The following PCDHA1 variants were observed in gnomAD, a reference collection of about 807,000 sequenced individuals.
PCDHA1 encodes protocadherin alpha-1.
In PCDHA1, 42 loss-of-function variants were observed where a neutral mutation model predicts 61.3. The observed-to-expected ratio is 0.69, with a 90% CI of 0.54 to 0.89. The LOEUF (loss-of-function observed/expected upper bound fraction) is 0.89. Among genes scored for constraint, PCDHA1 ranks in the 40% least tolerant of loss-of-function variants. The pLI is 0.00. For missense variants in PCDHA1, 1,256 were observed against 1,235.3 expected, an observed-to-expected ratio of 1.02 and a Z score of -0.25; for synonymous variants, 610 against 553.8, an observed-to-expected ratio of 1.10 and a Z score of -1.43.
intron 3 of PCDHA1, among the ~76,000 whole-genome samples, chr5:140,991,325 G>C (rs899183687): frequency 3.3e-5 from 5 of 152,184 alleles, no homozygotes; most frequent in Non-Finnish European, 5.9e-5. Flanking sequence ...GATACATGAA[G>C]GGAATAGCTT....
chr5:140,875,159 C>T (rs60784460), intron 1 of PCDHA1: 4,491 of 336,216 alleles, frequency 0.013, 178 homozygotes, highest in African/African-American at 0.087. Flanking sequence ...TGAAAAATAA[C>T]CCAAAGTCGA....
chr5:140,838,075 ATAGTGTGTGTGTGTGTGTGTGTGT>A (rs2150283450), intron 1 of PCDHA1, among the ~76,000 whole-genome samples: 41 of 128,134 alleles, frequency 3.2e-4, no homozygotes, highest in South Asian at 2.7e-4. Context: ...TTATATATAT[ATAGTGTGTGTGTGTGTGTGTGTGT>A]GTGTGTGTGT....
chr5:140,954,297 C>G (rs1369831854), intron 1 of PCDHA1, among the ~76,000 whole-genome samples: 1 of 152,298 alleles, frequency 6.6e-6, no homozygotes, highest in African/African-American at 2.4e-5. Context: ...TGGGTACATA[C>G]CCAGTAATGG....
intron 1 of PCDHA1, among the ~76,000 whole-genome samples, chr5:140,790,018 G>C (rs10477033): frequency 0.47 from 72,132 of 152,008 alleles, 17,707 homozygotes; most frequent in Middle Eastern, 0.61. Flanking sequence ...CAAAAATCAA[G>C]CCTAGGCTGA....
chr5:140,870,902 C>G (rs2052520790), intron 1 of PCDHA1: 1 of 1,613,846 alleles, frequency 6.2e-7, no homozygotes. Flanking sequence ...GATGCGGACT[C>G]AGGCTACAAC....
At chr5:140,884,541 T>C (rs782267123) in intron 1 of PCDHA1, 17 of 1,613,862 alleles carry the variant, frequency 1.1e-5, no homozygotes, top group Non-Finnish European at 1.4e-5. Flanking sequence ...CGGCCGAGGG[T>C]GTGCTCTGGG....
At position 140,843,090 on chromosome 5, in the gene PCDHA1, T is replaced by A; in HGVS notation, c.2394+54406T>A. The A allele has an allele frequency of 2.5e-6, 4 of 1,595,448 alleles. 1 individual carries two copies. The highest frequency in any genetic ancestry group is 3.4e-6 in the Non-Finnish European group (4 of 1,165,354). ...CCGCGGTCTGTGGGCGCGGGCCACGTGGTAGCGAAGGTGCGCGCAGTGGAC... is the reference window on the plus strand; with the variant it reads ...CCGCGGTCTGTGGGCGCGGGCCACGAGGTAGCGAAGGTGCGCGCAGTGGAC... On this transcript the variant is annotated intron_variant, in intron 1 of 3. Transcript: ENST00000504120.
chr5:141,008,036 C>G (rs1372261299), intron 3 of PCDHA1, among the ~76,000 whole-genome samples: 1 of 151,938 alleles, frequency 6.6e-6, no homozygotes, highest in Non-Finnish European at 1.5e-5. Context: ...GTTAATCTGC[C>G]TTTTGTAACA....
chr5:140,817,403 G>A (rs543583260), intron 1 of PCDHA1: 1 of 152,224 alleles, frequency 6.6e-6, no homozygotes, highest in Admixed American at 6.5e-5. Context: ...TCCTTGTATT[G>A]TTGTTGAGTT....
chr5:140,970,141 G>T, intron 1 of PCDHA1, among the ~76,000 whole-genome samples: 1 of 152,166 alleles, frequency 6.6e-6, no homozygotes, highest in East Asian at 1.9e-4. Context: ...AAGGGAAAAA[G>T]AATTCTCCCA....
intron 1 of PCDHA1, chr5:140,864,749 C>T (rs544244056): frequency 6.6e-6 from 1 of 152,178 alleles, no homozygotes; most frequent in East Asian, 1.9e-4. Context: ...ACCGATTATA[C>T]TCATTTTTCT....
intron 1 of PCDHA1, among the ~76,000 whole-genome samples, chr5:140,792,931 C>A (rs1482378138): frequency 2.0e-5 from 3 of 152,166 alleles, no homozygotes; most frequent in East Asian, 3.9e-4. Flanking sequence ...ACATAAAAAC[C>A]AACCTCCCAC....
At chr5:140,818,706 T>G (rs2150102140) in intron 1 of PCDHA1, among the ~76,000 whole-genome samples, 14 of 152,140 alleles carry the variant, frequency 9.2e-5, no homozygotes, top group African/African-American at 2.7e-4. Flanking sequence ...GATGTGGTGG[T>G]GCACACCTGT....
At chr5:140,797,083 G>A (rs1554120290) in intron 1 of PCDHA1, 1 of 1,613,952 alleles carries the variant, frequency 6.2e-7, no homozygotes, top group East Asian at 2.2e-5. Flanking sequence ...CATCTGCGCG[G>A]TATCCAGCCT....
intron 1 of PCDHA1, among the ~76,000 whole-genome samples, chr5:140,838,280 A>ATTTTTTTT (rs34299325): frequency 2.9e-5 from 4 of 139,572 alleles, no homozygotes; most frequent in African/African-American, 8.2e-5. Flanking sequence ...AGCCATGCTA[A>ATTTTTTTT]TTTTTTTTTT....
At chr5:140,996,098 A>G (rs1173929406) in intron 3 of PCDHA1, among the ~76,000 whole-genome samples, 1 of 152,214 alleles carries the variant, frequency 6.6e-6, no homozygotes, top group Non-Finnish European at 1.5e-5. Context: ...ATTACATGGA[A>G]TGGTATGGAA....
At position 140,786,829 on chromosome 5, in the gene PCDHA1, T is replaced by C. The variant is rs368731125; in HGVS notation, c.539T>C (p.Leu180Ser). 8 of 1,614,088 alleles carry C rather than the reference T, an allele frequency of 5.0e-6. No homozygotes were observed. The African/African-American group carries it at 9.3e-5, about 19-fold the overall frequency. ...CTCAGCCCGAGTGATTATTTCTCTTTGGATGTAGAGGCAAGTGATGAACTG... is the reference window on the plus strand; with the variant it reads ...CTCAGCCCGAGTGATTATTTCTCTTCGGATGTAGAGGCAAGTGATGAACTG... ...YTLSPSDYFS[L>S]DVEASDELSK... The change falls in exon 1 of 4, where the codon TTG (leucine) becomes TCG (serine). Residue 180 changes from leucine (L) to serine (S), a missense_variant. Physicochemically the swap from Leu to Ser is moderately radical, Grantham distance 145. Coordinates refer to ENST00000504120, the MANE Select transcript of PCDHA1 (RefSeq NM_018900.4).
chr5:140,984,042 T>C (rs2097082521), intron 3 of PCDHA1, among the ~76,000 whole-genome samples: 1 of 152,148 alleles, frequency 6.6e-6, no homozygotes, highest in Non-Finnish European at 1.5e-5. Flanking sequence ...ATAAAATAGT[T>C]CATTGACAAA....
chr5:140,854,743 GAT>G lies in PCDHA1; in HGVS notation c.2394+66064_2394+66065del, dbSNP rs1554147428. The G allele has an allele frequency of 2.0e-5, 3 of 149,440 alleles. 1 individual carries two copies. The highest frequency in any genetic ancestry group is 7.4e-5 in the African/African-American group (3 of 40,774). 9.3% of individuals were successfully genotyped at this position (149,440 alleles called of 1,614,324 possible). On this transcript the variant is annotated intron_variant, in intron 1 of 3. Coordinates refer to ENST00000504120, the MANE Select transcript of PCDHA1 (RefSeq NM_018900.4). ...AACTCAAGTTTTTTTCAGCAGCACAGATATATTACATTTTCATTCCTGAATAT... is the reference window on the plus strand; with the variant it reads ...AACTCAAGTTTTTTTCAGCAGCACAGATATTACATTTTCATTCCTGAATAT...
Sources: gnomAD v4.1 joint callset for allele counts (sites outside exome capture counted in the v4.1 genomes callset) on GRCh38, gnomAD v4.1.1 for gene constraint, MANE v1.5 for transcripts, NCBI Gene and HGNC (gene_info 2026-07-23, HGNC 2026-07-21) for gene names.